The following CNTN4 variants were observed in gnomAD, a reference collection of about 807,000 sequenced individuals.
The protein encoded by CNTN4 is contactin 4.
Under a neutral mutation model 122.5 loss-of-function variants are expected in CNTN4, and 77 were observed. The ratio of observed to expected loss-of-function variants is 0.63; its 90% CI spans 0.52 to 0.76. The LOEUF is 0.76. Among genes scored for constraint, CNTN4 ranks in the 30% least tolerant of loss-of-function variants. CNTN4 has a pLI of 0.00. For missense variants in CNTN4, 1,256 were observed against 1,259.1 expected, an observed-to-expected ratio of 1.00 and a Z score of 0.04; for synonymous variants, 512 against 447.0, an observed-to-expected ratio of 1.15 and a Z score of -1.83.
chr3:2,121,577 A>G (rs2033787283), intron 2 of CNTN4, among the ~76,000 whole-genome samples: 2 of 152,242 alleles, frequency 1.3e-5, no homozygotes, highest in South Asian at 4.1e-4. Context: ...TGGTTACTAT[A>G]GAACTTGTGC....
At chr3:2,219,292 A>G (rs1449301315) in intron 2 of CNTN4, among the ~76,000 whole-genome samples, 2 of 152,206 alleles carry the variant, frequency 1.3e-5, no homozygotes, top group South Asian at 4.1e-4. Flanking sequence ...ATACATACAT[A>G]TGTATAAAAT....
intron 2 of CNTN4, among the ~76,000 whole-genome samples, chr3:2,201,703 C>T (rs1337773668): frequency 6.6e-6 from 1 of 152,094 alleles, no homozygotes; most frequent in Non-Finnish European, 1.5e-5. Flanking sequence ...CAATAAAAAG[C>T]CTTGAGAATC....
At chr3:2,486,971 G>T (rs969850248) in intron 3 of CNTN4, among the ~76,000 whole-genome samples, 1 of 151,970 alleles carries the variant, frequency 6.6e-6, no homozygotes, top group East Asian at 1.9e-4. Flanking sequence ...AATAAGTTAG[G>T]CGATCCTTTC....
chr3:2,357,495 C>T (rs1266866267), intron 3 of CNTN4, among the ~76,000 whole-genome samples: 9 of 152,156 alleles, frequency 5.9e-5, no homozygotes, highest in Admixed American at 5.9e-4. Context: ...TAGTTTTCAG[C>T]TCTAGTAGGT....
At chr3:2,663,030 A>G (rs59903399) in intron 4 of CNTN4, among the ~76,000 whole-genome samples, 23,413 of 151,952 alleles carry the variant, frequency 0.15, 2,336 homozygotes, top group African/African-American at 0.28. Flanking sequence ...TGAACCCAAG[A>G]GGCAGAAGTT....
chr3:2,555,795 G>A (rs1429266890), intron 3 of CNTN4, among the ~76,000 whole-genome samples: 1 of 152,162 alleles, frequency 6.6e-6, no homozygotes, highest in Non-Finnish European at 1.5e-5. Context: ...TGTAAGGTAG[G>A]TGGAAAGTTG....
At chr3:2,916,337 GAGGGCCCTGCGGCCTTCCGC>G (rs1559659824) in intron 12 of CNTN4, among the ~76,000 whole-genome samples, 1 of 150,676 alleles carries the variant, frequency 6.6e-6, no homozygotes, top group Non-Finnish European at 1.5e-5. Flanking sequence ...TTCCTAGGCA[GAGGGCCCTGCGGCCTTCCGC>G]AGTGTTTGTG....
At chr3:2,133,804 T>C (rs1156331740) in intron 2 of CNTN4, among the ~76,000 whole-genome samples, 2 of 152,180 alleles carry the variant, frequency 1.3e-5, no homozygotes, top group African/African-American at 4.8e-5. Flanking sequence ...TTTAAGATTA[T>C]TTTCCTTTTT....
intron 6 of CNTN4, 133 bp from the exon 7 acceptor site, chr3:2,819,353 C>G (rs571415984): frequency 4.2e-6 from 3 of 710,906 alleles, no homozygotes; most frequent in East Asian, 5.4e-5. Context: ...AAGAAGCTCT[C>G]CTGAATTCCC....
intron 8 of CNTN4, among the ~76,000 whole-genome samples, chr3:2,879,011 A>G (rs896113757): frequency 7.2e-5 from 11 of 152,300 alleles, no homozygotes; most frequent in African/African-American, 2.6e-4. Flanking sequence ...AACTGGTGTT[A>G]TGGGTTGAAT....
chr3:2,221,044 C>G (rs965083388), intron 2 of CNTN4, among the ~76,000 whole-genome samples: 2 of 152,010 alleles, frequency 1.3e-5, no homozygotes, highest in Admixed American at 6.6e-5. Context: ...GTGATTCTAC[C>G]TTGTTTCTAA....
chr3:2,421,267 C>A (rs200061020), intron 3 of CNTN4, among the ~76,000 whole-genome samples: 2 of 56,696 alleles, frequency 3.5e-5, no homozygotes, highest in South Asian at 1.2e-3. Flanking sequence ...TTTTTTTTTT[C>A]CTTGACTAGG....
At chr3:2,996,877 C>T (rs1406141948) in intron 14 of CNTN4, among the ~76,000 whole-genome samples, 1 of 152,176 alleles carries the variant, frequency 6.6e-6, no homozygotes, top group Non-Finnish European at 1.5e-5. Context: ...ATAGATCTCT[C>T]ACCTAGCTCT....
intron 2 of CNTN4, among the ~76,000 whole-genome samples, chr3:2,125,826 G>C (rs1313237971): frequency 6.6e-6 from 1 of 151,822 alleles, no homozygotes; most frequent in East Asian, 1.9e-4. Context: ...AAAGTGCTGG[G>C]ATTACAGGCG....
rs534965760 is a variant in CNTN4, at chr3:2,916,865, C to T, written c.1208-8764C>T. Among the ~76,000 whole-genome samples the T allele has an allele frequency of 5.2e-4, 79 of 151,000 alleles. No individual in the cohort carries two copies. In the South Asian group the frequency reaches 5.7e-3, roughly 11 times the overall value. On this transcript the variant is annotated intron_variant, in intron 12 of 24. Transcript: ENST00000418658. The stretch of plus-strand genomic sequence containing the variant: ...AGACGGGGCAGCCAGGCAGAGGTGG[C>T]GCTAGACGTCTAGGTGGCACTTCCT...
chr3:2,444,062 A>G (rs985113022), intron 3 of CNTN4, among the ~76,000 whole-genome samples: 2 of 152,048 alleles, frequency 1.3e-5, no homozygotes, highest in Non-Finnish European at 1.5e-5. Context: ...TCTTTCCTTC[A>G]TGGCAATGTA....
At chr3:2,698,947 C>A (rs1314782367) in intron 4 of CNTN4, among the ~76,000 whole-genome samples, 4 of 152,084 alleles carry the variant, frequency 2.6e-5, no homozygotes, top group African/African-American at 9.6e-5. Context: ...TGCTGGAACC[C>A]GGGAGGTGGA....
At chr3:2,990,411 C>G (rs1694950749) in intron 14 of CNTN4, among the ~76,000 whole-genome samples, 1 of 152,048 alleles carries the variant, frequency 6.6e-6, no homozygotes, top group Non-Finnish European at 1.5e-5. Flanking sequence ...ATGAAAGATT[C>G]AAAACAGCTA....
intron 4 of CNTN4, among the ~76,000 whole-genome samples, chr3:2,668,503 G>T (rs2084305317): frequency 6.6e-6 from 1 of 152,144 alleles, no homozygotes; most frequent in African/African-American, 2.4e-5. Context: ...CTGAGACAAT[G>T]GGGTTTTCTA....
Sources: gnomAD v4.1 joint callset for allele counts (sites outside exome capture counted in the v4.1 genomes callset) on GRCh38, gnomAD v4.1.1 for gene constraint, MANE v1.5 for transcripts, NCBI Gene and HGNC (gene_info 2026-07-23, HGNC 2026-07-21) for gene names.